Variants in CERT1 observed in about 807,000 individuals in gnomAD.
CERT1 encodes ceramide transporter 1.
In CERT1, 31 loss-of-function variants were observed where a neutral mutation model predicts 87.9. The ratio of observed to expected loss-of-function variants is 0.35; its 90% CI spans 0.27 to 0.48. The LOEUF is 0.48. Ranked by LOEUF, CERT1 falls within the 20% of genes least tolerant of loss-of-function variation. The pLI, the probability that CERT1 is intolerant of heterozygous loss-of-function variation, is 0.99. For missense variants in CERT1, 487 were observed against 758.0 expected, an observed-to-expected ratio of 0.64 and a Z score of 4.20; for synonymous variants, 289 against 250.9, an observed-to-expected ratio of 1.15 and a Z score of -1.44.
chr5:75,440,174 G>C (rs575031844), intron 3 of CERT1, among the ~76,000 whole-genome samples: 50 of 152,128 alleles, frequency 3.3e-4, no homozygotes, highest in African/African-American at 1.2e-3. Context: ...CAGATGGAGA[G>C]ATATGAAAGA....
intron 2 of CERT1, among the ~76,000 whole-genome samples, chr5:75,464,209 G>A (rs749640632): frequency 2.6e-5 from 4 of 152,164 alleles, no homozygotes; most frequent in Non-Finnish European, 4.4e-5. Flanking sequence ...CACAACATTG[G>A]AGAAGTAAAG....
At chr5:75,398,353 GT>G (rs1186101129) in intron 11 of CERT1, among the ~76,000 whole-genome samples, 39 of 152,208 alleles carry the variant, frequency 2.6e-4, no homozygotes, top group African/African-American at 7.0e-4. Context: ...AAGAAATTAT[GT>G]TATAATAGCA....
At chr5:75,410,931 T>C in intron 8 of CERT1, 80 bp downstream of exon 8, 1 of 708,134 alleles carries the variant, frequency 1.4e-6, no homozygotes. Flanking sequence ...ATTTAAAGGT[T>C]ACAAGAGTAT....
chr5:75,460,418 C>T (rs749557153), intron 2 of CERT1, among the ~76,000 whole-genome samples: 28 of 152,062 alleles, frequency 1.8e-4, no homozygotes, highest in Non-Finnish European at 7.3e-5. Context: ...GAGAAAACTC[C>T]GCATTAAGGT....
chr5:75,432,865 A>C (rs930544652), intron 3 of CERT1, among the ~76,000 whole-genome samples: 1 of 152,198 alleles, frequency 6.6e-6, no homozygotes, highest in Admixed American at 6.5e-5. Context: ...ATCTTGAGTT[A>C]ATTTTTGTAC....
intron 7 of CERT1, among the ~76,000 whole-genome samples, chr5:75,412,862 A>G (rs1424079142): frequency 6.6e-6 from 1 of 152,192 alleles, no homozygotes; most frequent in African/African-American, 2.4e-5. Flanking sequence ...ACCACTGTAA[A>G]CTTTTAACAC....
At chr5:75,442,989 C>T (rs562962386) in intron 3 of CERT1, among the ~76,000 whole-genome samples, 35 of 151,958 alleles carry the variant, frequency 2.3e-4, no homozygotes, top group Non-Finnish European at 4.0e-4. Flanking sequence ...AGCTCAGTAC[C>T]ATCTGTGGTG....
intron 2 of CERT1, among the ~76,000 whole-genome samples, chr5:75,480,246 G>A (rs1255028496): frequency 6.6e-6 from 1 of 152,046 alleles, no homozygotes; most frequent in East Asian, 1.9e-4. Flanking sequence ...CATTATTCTT[G>A]CAACTTTTCT....
At chr5:75,487,335 T>C (rs1045159056) in intron 2 of CERT1, among the ~76,000 whole-genome samples, 1 of 151,980 alleles carries the variant, frequency 6.6e-6, no homozygotes, top group African/African-American at 2.4e-5. Context: ...TCATATCAAA[T>C]GGATTAAATA....
At chr5:75,369,162 C>A (rs62366588) in intron 17 of CERT1, 6,806 of 152,180 alleles carry the variant, frequency 0.045, 201 homozygotes, top group Non-Finnish European at 0.068. Flanking sequence ...GCAATCCACC[C>A]GCCTCAGTCT....
rs375730002 is a variant in CERT1, at chr5:75,396,729, C to CAA, written c.1188+2579_1188+2580dup. ...GGGCAACAAAAGCGAAACTCCGTCT[C>CAA]AAAAAAAAAAAAAAAACAAAAAACA... On this transcript the variant is annotated intron_variant, in intron 11 of 16. Coordinates refer to ENST00000643780, the MANE Select transcript of CERT1 (RefSeq NM_001379029.1). Among the ~76,000 whole-genome samples, 310 of 92,560 alleles carry CAA rather than the reference C, an allele frequency of 3.3e-3. 2 individuals are homozygous for CAA. Among genetic ancestry groups the CAA allele is most frequent in the Middle Eastern group, 0.012 (2 of 164 alleles). The allele number at this position is 92,560 out of a possible 152,430, so 60.7% of individuals were successfully genotyped here.
Position 75,433,994 on chromosome 5 carries a change from C to T in CERT1, c.349-7516G>A, listed in dbSNP as rs114160757. Among the ~76,000 whole-genome samples the T allele has an allele frequency of 9.0e-3, 1,375 of 152,188 alleles. 18 individuals carry two copies. Among genetic ancestry groups the T allele is most frequent in the African/African-American group, 0.031 (1,306 of 41,532 alleles). ...GATGCCTTTTATTTCCTTCTCTTGA[C>T]TTATCGTTCTGGCTAAGAGCTTCCA... is the stretch of plus-strand genomic sequence containing the variant. On this transcript the variant is annotated intron_variant, in intron 3 of 16. Coordinates refer to ENST00000643780, the MANE Select transcript of CERT1 (RefSeq NM_001379029.1).
chr5:75,419,823 T>C (rs759542933), intron 5 of CERT1, among the ~76,000 whole-genome samples: 1 of 152,190 alleles, frequency 6.6e-6, no homozygotes, highest in Non-Finnish European at 1.5e-5. Context: ...TAAGGGAAGG[T>C]TACTGAGTTA....
chr5:75,429,206 T>A (rs1256970859), intron 3 of CERT1, among the ~76,000 whole-genome samples: 14 of 146,438 alleles, frequency 9.6e-5, no homozygotes, highest in East Asian at 5.9e-4. Context: ...TAATTATTAT[T>A]ATTATTATTT....
intron 2 of CERT1, among the ~76,000 whole-genome samples, chr5:75,467,272 T>G (rs916047798): frequency 1.3e-5 from 2 of 152,236 alleles, no homozygotes; most frequent in African/African-American, 4.8e-5. Flanking sequence ...ATTATGGGAC[T>G]GCAGAACAGC....
chr5:75,500,995 T>G (rs199858317), intron 2 of CERT1, among the ~76,000 whole-genome samples: 3 of 140,522 alleles, frequency 2.1e-5, no homozygotes, highest in Non-Finnish European at 3.1e-5. Context: ...GTTTTTTTTG[T>G]TTTTTTTTTT....
intron 12 of CERT1, among the ~76,000 whole-genome samples, chr5:75,387,481 C>T (rs144083983): frequency 0.054 from 8,214 of 152,034 alleles, 291 homozygotes; most frequent in Middle Eastern, 0.11. Flanking sequence ...GTGGCTCACA[C>T]CTGTTATCCC....
intron 2 of CERT1, among the ~76,000 whole-genome samples, chr5:75,462,313 C>T (rs548364675): frequency 2.0e-5 from 3 of 152,264 alleles, no homozygotes; most frequent in Admixed American, 6.5e-5. Context: ...AGACAGGTTG[C>T]GGGGAATGGT....
chr5:75,411,623 T>C (rs1762938978), intron 7 of CERT1, among the ~76,000 whole-genome samples: 1 of 152,180 alleles, frequency 6.6e-6, no homozygotes, highest in Non-Finnish European at 1.5e-5. Context: ...CAACCTACGA[T>C]TTAAATCACC....
Sources: gnomAD v4.1 joint callset for allele counts (sites outside exome capture counted in the v4.1 genomes callset) on GRCh38, gnomAD v4.1.1 for gene constraint, MANE v1.5 for transcripts, NCBI Gene and HGNC (gene_info 2026-07-23, HGNC 2026-07-21) for gene names.